FAM78B: variants seen among roughly 807,000 people sequenced by gnomAD.
FAM78B encodes the protein family with sequence similarity 78 member B.
Under a neutral mutation model 20.0 loss-of-function variants are expected in FAM78B, and 10 were observed. The ratio of observed to expected loss-of-function variants is 0.50; its 90% CI spans 0.31 to 0.85. The LOEUF is 0.85. FAM78B is among the 40% of genes least tolerant of loss of function. The pLI, the probability that FAM78B is intolerant of heterozygous loss-of-function variation, is 0.05. For missense variants in FAM78B, 283 were observed against 345.0 expected, an observed-to-expected ratio of 0.82 and a Z score of 1.42; for synonymous variants, 135 against 132.8, an observed-to-expected ratio of 1.02 and a Z score of -0.12.
At chr1:166,147,064 TGA>T (rs1655481738) in intron 1 of FAM78B, among the ~76,000 whole-genome samples, 2 of 152,294 alleles carry the variant, frequency 1.3e-5, no homozygotes, top group African/African-American at 2.4e-5. Context: ...CTGGAGTTCA[TGA>T]GAGACCTGAT....
chr1:166,115,942 CTG>C (rs1557905702), intron 1 of FAM78B, among the ~76,000 whole-genome samples: 1 of 152,218 alleles, frequency 6.6e-6, no homozygotes, highest in Non-Finnish European at 1.5e-5. Flanking sequence ...CTTTTCAAGA[CTG>C]TAATGTTCTA....
intron 1 of FAM78B, among the ~76,000 whole-genome samples, chr1:166,137,220 G>T (rs1459379836): frequency 6.6e-6 from 1 of 152,218 alleles, no homozygotes; most frequent in Non-Finnish European, 1.5e-5. Context: ...CTGATTTTCA[G>T]CAGTGGTTGC....
At chr1:166,134,079 G>A (rs1458666736) in intron 1 of FAM78B, among the ~76,000 whole-genome samples, 1 of 152,122 alleles carries the variant, frequency 6.6e-6, no homozygotes, top group Non-Finnish European at 1.5e-5. Flanking sequence ...AAAGTTTGGG[G>A]GGTTTCCCCA....
intron 2 of FAM78B, among the ~76,000 whole-genome samples, chr1:166,063,568 T>TAATA (rs77213729): frequency 0.28 from 41,787 of 151,820 alleles, 5,845 homozygotes; most frequent in Middle Eastern, 0.33. Flanking sequence ...GAAAAAATAA[T>TAATA]AATAAAAATA....
rs188246961 is a variant in FAM78B, at chr1:166,091,899, T to C, written c.264-21136A>G. On this transcript the variant is annotated intron_variant, in intron 1 of 1. Transcript: ENST00000354422. ...TTCTCAAAGTCCAACAGTTCATAAG[T>C]GATGGAGACAGAGGTCTTAAACCTA... Among the ~76,000 whole-genome samples, 99 of 152,296 alleles carry C rather than the reference T, an allele frequency of 6.5e-4. 1 individual carries two copies. The highest frequency in any genetic ancestry group is 1.0e-3 in the Admixed American group (16 of 15,294).
At chr1:166,094,924 G>A (rs1653219078) in intron 1 of FAM78B, among the ~76,000 whole-genome samples, 1 of 152,158 alleles carries the variant, frequency 6.6e-6, no homozygotes, top group African/African-American at 2.4e-5. Context: ...TGACCCTTCT[G>A]CCTAGTAGAT....
At chr1:166,135,361 T>C (rs747240688) in intron 1 of FAM78B, among the ~76,000 whole-genome samples, 1 of 152,350 alleles carries the variant, frequency 6.6e-6, no homozygotes, top group East Asian at 1.9e-4. Context: ...AAAGGGTACA[T>C]TGGTAATGGT....
At chr1:166,060,679 G>A (rs1651558786) in intron 2 of FAM78B, 1 of 1,280,884 alleles carries the variant, frequency 7.8e-7, no homozygotes, top group Non-Finnish European at 1.0e-6. Context: ...TGTGGACATG[G>A]AAACATGTAA....
At chr1:166,113,957 C>T (rs888734777) in intron 1 of FAM78B, among the ~76,000 whole-genome samples, 6 of 152,332 alleles carry the variant, frequency 3.9e-5, no homozygotes, top group Non-Finnish European at 1.5e-5. Context: ...CAAAAGAAAG[C>T]AGCCCATCAG....
intron 1 of FAM78B, among the ~76,000 whole-genome samples, chr1:166,129,172 C>T (rs1381881783): frequency 6.6e-6 from 1 of 152,172 alleles, no homozygotes; most frequent in Non-Finnish European, 1.5e-5. Flanking sequence ...AGAGCCCCTG[C>T]TGTGGGCGCA....
intron 1 of FAM78B, among the ~76,000 whole-genome samples, chr1:166,108,539 C>T (rs370376961): frequency 6.6e-6 from 1 of 152,102 alleles, no homozygotes; most frequent in African/African-American, 2.4e-5. Flanking sequence ...ACACATCCCA[C>T]GCTTATGGAT....
Position 166,107,778 on chromosome 1 carries a change from C to G in FAM78B, c.264-37015G>C, listed in dbSNP as rs139384155. On this transcript the variant is annotated intron_variant, in intron 1 of 1. Transcript: ENST00000354422. The stretch of plus-strand genomic sequence containing the variant: ...TTGCTTACTGAATCCAACAACATAT[C>G]AAAGAGATAATCCGTGATGATCAAG... 8.3e-4 allele frequency among the ~76,000 whole-genome samples: 127 copies of G among 152,238 alleles called. 1 individual carries two copies. The highest frequency in any genetic ancestry group is 2.8e-3 in the African/African-American group (115 of 41,558).
intron 1 of FAM78B, among the ~76,000 whole-genome samples, chr1:166,109,868 GTATATA>G (rs1167115543): frequency 3.5e-4 from 3 of 8,574 alleles, no homozygotes; most frequent in Non-Finnish European, 9.4e-4. Context: ...ATATGTATGT[GTATATA>G]TATATATGTA....
At chr1:166,098,331 C>T (rs1388683478) in intron 1 of FAM78B, among the ~76,000 whole-genome samples, 1 of 152,030 alleles carries the variant, frequency 6.6e-6, no homozygotes, top group Non-Finnish European at 1.5e-5. Flanking sequence ...CTTCAACAGC[C>T]CTGCCCCGCC....
intron 1 of FAM78B, among the ~76,000 whole-genome samples, chr1:166,113,053 G>A (rs1654117955): frequency 6.6e-6 from 1 of 152,198 alleles, no homozygotes; most frequent in Non-Finnish European, 1.5e-5. Context: ...TTATTGTAGG[G>A]AAAGAGGCTC....
chr1:166,113,687 A>T (rs1418559709), intron 1 of FAM78B, among the ~76,000 whole-genome samples: 1 of 152,232 alleles, frequency 6.6e-6, no homozygotes, highest in African/African-American at 2.4e-5. Context: ...ATAGTGTCCC[A>T]GCTGGCTTTC....
At chr1:166,142,527 G>C (rs150459212) in intron 1 of FAM78B, among the ~76,000 whole-genome samples, 1 of 152,218 alleles carries the variant, frequency 6.6e-6, no homozygotes. Context: ...TGAGGTCTAA[G>C]TGGGAAAAGA....
intron 1 of FAM78B, among the ~76,000 whole-genome samples, chr1:166,159,157 G>GT (rs2101805106): frequency 6.6e-6 from 1 of 152,352 alleles, no homozygotes; most frequent in South Asian, 2.1e-4. Flanking sequence ...CATGATGACA[G>GT]TAACAGCGGC....
At chr1:166,059,741 G>A (rs764385667) in exon 3 of FAM78B, 1 of 152,188 alleles carries the variant, frequency 6.6e-6, no homozygotes, top group Non-Finnish European at 1.5e-5. Flanking sequence ...AGCCTTGTTA[G>A]CTGGTGATTT....
Sources: gnomAD v4.1 joint callset for allele counts (sites outside exome capture counted in the v4.1 genomes callset) on GRCh38, gnomAD v4.1.1 for gene constraint, MANE v1.5 for transcripts, NCBI Gene and HGNC (gene_info 2026-07-23, HGNC 2026-07-21) for gene names.